AP1G1: variants seen among roughly 807,000 people sequenced by gnomAD.
AP1G1 encodes adaptor related protein complex 1 subunit gamma 1, also known as AP-1 complex subunit gamma-1.
In AP1G1, 7 loss-of-function variants were observed where a neutral mutation model predicts 108.3. That is an observed-to-expected ratio of 0.06 (90% CI 0.04 to 0.12). The LOEUF is 0.12. AP1G1 is among the 10% of genes least tolerant of loss of function. The pLI is 1.00. For missense variants in AP1G1, 756 were observed against 1,010.7 expected, an observed-to-expected ratio of 0.75 and a Z score of 3.42; for synonymous variants, 379 against 353.5, an observed-to-expected ratio of 1.07 and a Z score of -0.81.
At position 71,749,887 on chromosome 16, in the gene AP1G1, G is replaced by A; in HGVS notation, c.1497+7C>T. On this transcript the variant is annotated splice_region_variant and intron_variant, in intron 15 of 22. Coordinates refer to ENST00000299980, the MANE Select transcript of AP1G1 (RefSeq NM_001128.6). ...TCCCCCACTTAACCAAGAGTGACAA[G>A]GAGTACCTGAATAGGCTCTTCCTCT... The A allele has an allele frequency of 1.3e-6, 2 of 1,590,332 alleles. No individual in the cohort carries two copies. The highest frequency in any genetic ancestry group is 1.7e-6 in the Non-Finnish European group (2 of 1,158,814).
At position 71,782,703 on chromosome 16, in the gene AP1G1, G is replaced by T. The variant is rs1244227134; in HGVS notation, c.201+6576C>A. 4.0e-5 allele frequency among the ~76,000 whole-genome samples: 6 copies of T among 151,796 alleles called. No individual in the cohort carries two copies. In the East Asian group the frequency reaches 1.2e-3, roughly 29 times the overall value. On this transcript the variant is annotated intron_variant, in intron 2 of 22. Coordinates refer to ENST00000299980, the MANE Select transcript of AP1G1 (RefSeq NM_001128.6). ...GGGTTTCATCATGTTGGCCAGGATG[G>T]TATTGAACTCCTGACCTCGTGATCT...
chr16:71,775,590 T>C (rs2031752698), intron 2 of AP1G1, among the ~76,000 whole-genome samples: 1 of 152,078 alleles, frequency 6.6e-6, no homozygotes, highest in South Asian at 2.1e-4. Flanking sequence ...ATAGTTCCAT[T>C]TTGGGAATTA....
At chr16:71,749,135 C>T (rs1451078469) in intron 15 of AP1G1, among the ~76,000 whole-genome samples, 2 of 152,012 alleles carry the variant, frequency 1.3e-5, no homozygotes, top group African/African-American at 2.4e-5. Flanking sequence ...TCTGGCTAAC[C>T]ACCCTGCAGG....
chr16:71,738,662 G>C (rs1339469994), intron 21 of AP1G1, among the ~76,000 whole-genome samples: 1 of 152,116 alleles, frequency 6.6e-6, no homozygotes. Context: ...TCAATGCCCT[G>C]AGCATTAACT....
intron 19 of AP1G1, chr16:71,743,613 A>C (rs1597037968): frequency 7.8e-6 from 1 of 128,142 alleles, no homozygotes; most frequent in Admixed American, 8.4e-5. Flanking sequence ...AAAAAAAAAA[A>C]AAAAAAGACA....
chr16:71,738,864 T>C (rs547908245), intron 21 of AP1G1, 78 bp downstream of exon 21: 1 of 1,299,256 alleles, frequency 7.7e-7, no homozygotes, highest in East Asian at 2.3e-5. Context: ...TTAAAACATA[T>C]CCTTTACCAA....
intron 6 of AP1G1, among the ~76,000 whole-genome samples, chr16:71,768,974 A>AT (rs1473122658): frequency 1.9e-5 from 2 of 105,896 alleles, no homozygotes; most frequent in African/African-American, 6.3e-5. Flanking sequence ...TTAAAAAAAA[A>AT]ATACAAAAAA....
rs543116515 is a variant in AP1G1 at position 71,732,056 on chromosome 16, G to A, written c.*1002C>T. The stretch of plus-strand genomic sequence containing the variant: ...ATACTCACTCTTCCTAAGGGCAAAG[G>A]TACTTTTGATACAGAGTCTGATCTT... On this transcript the variant is annotated 3_prime_UTR_variant, in exon 23 of 23. Transcript: ENST00000299980. 19 of 152,504 alleles carry A rather than the reference G, an allele frequency of 1.2e-4. No homozygotes were observed. Among genetic ancestry groups the A allele is most frequent in the Admixed American group, 1.1e-3 (17 of 15,300 alleles). The allele number at this position is 152,504 out of a possible 1,614,324, so 9.4% of individuals were successfully genotyped here.
intron 5 of AP1G1, among the ~76,000 whole-genome samples, chr16:71,769,956 A>C (rs2031505367): frequency 6.6e-6 from 1 of 152,240 alleles, no homozygotes; most frequent in Admixed American, 6.5e-5. Flanking sequence ...AGTGACGACC[A>C]ATACATATGT....
At chr16:71,784,135 G>A (rs527676404) in intron 2 of AP1G1, among the ~76,000 whole-genome samples, 1 of 152,126 alleles carries the variant, frequency 6.6e-6, no homozygotes, top group Non-Finnish European at 1.5e-5. Flanking sequence ...AAAAAACATT[G>A]CCGTCCTTTA....
chr16:71,781,611 G>A (rs2032020541), intron 2 of AP1G1, among the ~76,000 whole-genome samples: 1 of 152,096 alleles, frequency 6.6e-6, no homozygotes. Context: ...ATATCAAACT[G>A]TATTCCCGCT....
chr16:71,795,528 C>G (rs879641651), intron 1 of AP1G1, among the ~76,000 whole-genome samples: 1 of 152,180 alleles, frequency 6.6e-6, no homozygotes, highest in Non-Finnish European at 1.5e-5. Flanking sequence ...CATGCTTTCC[C>G]TCTTGCATTC....
intron 19 of AP1G1, among the ~76,000 whole-genome samples, chr16:71,741,411 T>C (rs544367939): frequency 6.6e-6 from 1 of 152,048 alleles, no homozygotes; most frequent in Admixed American, 6.6e-5. Context: ...AGCGAAACCC[T>C]ATCTCTACTA....
rs1303211127 is a variant in AP1G1 at position 71,745,725 on chromosome 16, C to T, written c.1731-111G>A. The stretch of plus-strand genomic sequence containing the variant: ...AGCATGGAGATCTATCTCCCCTCCC[C>T]ATCCAACACACACACTAAAATAGAA... On this transcript the variant is annotated intron_variant, in intron 17 of 22. Coordinates refer to ENST00000299980, the MANE Select transcript of AP1G1 (RefSeq NM_001128.6). 4 of 859,792 alleles carry T rather than the reference C, an allele frequency of 4.7e-6. No homozygotes were observed. In the Admixed American group the frequency reaches 5.5e-5, roughly 12 times the overall value. The allele number at this position is 859,792 out of a possible 1,614,324, so 53.3% of individuals were successfully genotyped here.
At chr16:71,794,884 T>TC (rs1193410574) in intron 1 of AP1G1, among the ~76,000 whole-genome samples, 4 of 140,496 alleles carry the variant, frequency 2.8e-5, no homozygotes, top group Non-Finnish European at 6.1e-5. Context: ...TGCCTATTTT[T>TC]CCCACTAAAT....
rs192683860 is a variant in AP1G1 at position 71,745,212 on chromosome 16, G to A, written c.1931C>T (p.Ala644Val). 69 of 1,614,122 alleles carry A rather than the reference G, an allele frequency of 4.3e-5. No individual in the cohort carries two copies. The Admixed American group carries it at 5.3e-4, about 12-fold the overall frequency. The change falls in exon 19 of 23, where the codon GCG (alanine) becomes GTG (valine). Residue 644 changes from alanine (A) to valine (V), a missense_variant. Around this residue, in one of 3 missense-constraint regions of AP1G1, gnomAD observed 357 missense variants for 366.5 expected, o/e 0.97. Transcript: ENST00000299980. ...AGCAGAAGATGGTTTGCTTGTAGGC[G>A]CAGTTGGAATAACAGGTGTTATGTC... ...GNDITPVIPT[A>V]PTSKPSSAGG...
At chr16:71,779,389 G>A in intron 2 of AP1G1, among the ~76,000 whole-genome samples, 1 of 152,030 alleles carries the variant, frequency 6.6e-6, no homozygotes. Context: ...CCAGGCTGGA[G>A]TGCAGTGGTG....
At chr16:71,763,934 G>C (rs1324805018) in intron 9 of AP1G1, among the ~76,000 whole-genome samples, 2 of 152,212 alleles carry the variant, frequency 1.3e-5, no homozygotes, top group Non-Finnish European at 2.9e-5. Context: ...TTGTGGGCCA[G>C]ATCCTCTGGT....
chr16:71,782,490 T>TA (rs200367717), intron 2 of AP1G1, among the ~76,000 whole-genome samples: 39 of 149,442 alleles, frequency 2.6e-4, no homozygotes, highest in East Asian at 1.2e-3. Flanking sequence ...TTATTATTAT[T>TA]TTTATTATTA....
Sources: allele counts gnomAD v4.1 joint callset (sites outside exome capture counted in the v4.1 genomes callset), GRCh38; gene constraint gnomAD v4.1.1; regional missense constraint gnomAD v4.1.1; transcripts MANE v1.5; gene names NCBI Gene and HGNC (gene_info 2026-07-23, HGNC 2026-07-21).